Variants in NTMT2 observed in about 807,000 individuals in gnomAD.
NTMT2 encodes the protein N-terminal Xaa-Pro-Lys N-methyltransferase 2.
Under a neutral mutation model 23.4 loss-of-function variants are expected in NTMT2, and 21 were observed. The observed-to-expected ratio is 0.90, with a 90% confidence interval of 0.64 to 1.29. The LOEUF is 1.29. Ranked by LOEUF, NTMT2 falls within the 50% of genes most tolerant of loss-of-function variation. NTMT2 has a pLI of 0.00. For synonymous variants in NTMT2, 131 were observed against 127.7 expected, an observed-to-expected ratio of 1.03 and a Z score of -0.17; for missense variants, 336 against 352.0, an observed-to-expected ratio of 0.95 and a Z score of 0.36.
chr1:170,162,935 C>G (rs749739778), intron 2 of NTMT2, among the ~76,000 whole-genome samples: 1 of 151,948 alleles, frequency 6.6e-6, no homozygotes, highest in Non-Finnish European at 1.5e-5. Context: ...TCCAGTCTGG[C>G]TGAAAGCAAT....
chr1:170,157,459 A>G lies in NTMT2; in HGVS notation c.155-3059A>G, dbSNP rs1405189836. Among the ~76,000 whole-genome samples, 3 of 152,130 alleles carry G rather than the reference A, an allele frequency of 2.0e-5. No homozygotes were observed. The East Asian group carries it at 5.8e-4, about 29-fold the overall frequency. ...CTTGTTCTCATTATCCCTTTCAGCAAATTCATGGTGATTCAGGGTACAAAC... is the reference window on the plus strand; with the variant it reads ...CTTGTTCTCATTATCCCTTTCAGCAGATTCATGGTGATTCAGGGTACAAAC... On this transcript the variant is annotated intron_variant, in intron 1 of 3. Transcript: ENST00000439373.
intron 1 of NTMT2, among the ~76,000 whole-genome samples, chr1:170,154,263 C>A (rs1354729599): frequency 6.6e-6 from 1 of 152,182 alleles, no homozygotes; most frequent in East Asian, 1.9e-4. Context: ...GAGCCCCCCA[C>A]ACTGAGATAA....
intron 2 of NTMT2, chr1:170,161,643 A>C (rs1432903149): frequency 1.3e-5 from 2 of 152,226 alleles, no homozygotes; most frequent in African/African-American, 4.8e-5. Flanking sequence ...GATAATGTGG[A>C]GATCTAATGA....
Position 170,167,643 on chromosome 1 carries a change from G to A in NTMT2, c.738G>A (p.Arg246=). ...SSVTRDMDIL[R]SLIRKSGLVV... ...TGACTCGGGACATGGACATCCTCCG[G>A]AGCCTAATAAGGAAGAGTGGGCTGG... Residue 246 remains arginine (R), a synonymous_variant, in exon 4 of 4, where the codon CGG becomes CGA. Transcript: ENST00000439373. 7 of 1,551,684 alleles carry A rather than the reference G, an allele frequency of 4.5e-6. No individual in the cohort carries two copies. Among genetic ancestry groups the A allele is most frequent in the Non-Finnish European group, 6.1e-6 (7 of 1,147,004 alleles).
intron 1 of NTMT2, among the ~76,000 whole-genome samples, chr1:170,156,144 C>T (rs990056800): frequency 2.8e-4 from 42 of 152,166 alleles, no homozygotes; most frequent in African/African-American, 9.2e-4. Context: ...AAAAAGTATC[C>T]TTCATGGTTA....
intron 3 of NTMT2, 31 bp from the exon 4 acceptor site, chr1:170,167,455 T>G (rs1180039788): frequency 1.1e-5 from 16 of 1,514,608 alleles, no homozygotes. Context: ...CATTTCTTCC[T>G]GTTCCCCCAT....
chr1:170,150,103 GT>G (rs987931478), intron 1 of NTMT2, among the ~76,000 whole-genome samples: 1 of 152,180 alleles, frequency 6.6e-6, no homozygotes, highest in Admixed American at 6.5e-5. Context: ...AGAGTTTGTT[GT>G]TTGGGGTAAT....
At chr1:170,161,976 G>A (rs758129379) in intron 2 of NTMT2, among the ~76,000 whole-genome samples, 6 of 152,148 alleles carry the variant, frequency 3.9e-5, no homozygotes, top group Non-Finnish European at 8.8e-5. Context: ...TGTAGTCCCA[G>A]CTACTGGGGA....
chr1:170,160,804 G>A, intron 2 of NTMT2, 111 bp downstream of exon 2: 1 of 889,790 alleles, frequency 1.1e-6, no homozygotes. Context: ...ACCCAGCCAA[G>A]AGTTCTGCCG....
intron 1 of NTMT2, among the ~76,000 whole-genome samples, chr1:170,157,706 T>A (rs560940592): frequency 5.9e-4 from 90 of 152,298 alleles, no homozygotes; most frequent in Non-Finnish European, 9.3e-4. Flanking sequence ...TCTCTTTGAT[T>A]TCTTCTGCTC....
chr1:170,150,406 A>G (rs147613366), intron 1 of NTMT2, among the ~76,000 whole-genome samples: 384 of 152,350 alleles, frequency 2.5e-3, no homozygotes, highest in Non-Finnish European at 4.4e-3. Flanking sequence ...TGCATATATT[A>G]TCTCAGTTCA....
intron 2 of NTMT2, among the ~76,000 whole-genome samples, chr1:170,162,387 C>T (rs80013322): frequency 0.019 from 2,895 of 152,244 alleles, 66 homozygotes; most frequent in South Asian, 0.074. Flanking sequence ...TCCTGGAGCA[C>T]CCAGTGTGTG....
intron 2 of NTMT2, among the ~76,000 whole-genome samples, chr1:170,163,833 A>G (rs892985255): frequency 3.9e-5 from 6 of 152,238 alleles, no homozygotes; most frequent in African/African-American, 1.2e-4. Flanking sequence ...ATAATAAATG[A>G]AAATCAAAAT....
intron 1 of NTMT2, among the ~76,000 whole-genome samples, chr1:170,155,807 T>C (rs1673154350): frequency 6.6e-6 from 1 of 152,110 alleles, no homozygotes; most frequent in Non-Finnish European, 1.5e-5. Flanking sequence ...ATTGCCAACT[T>C]GGATAATATT....
At position 170,166,503 on chromosome 1, in the gene NTMT2, G is replaced by T; in HGVS notation, c.332G>T (p.Gly111Val). 6.4e-7 allele frequency: 1 copy of T among 1,552,258 alleles called. No homozygotes were observed. Among genetic ancestry groups the T allele is most frequent in the South Asian group, 1.2e-5 (1 of 84,048 alleles). ...AAATATCAAGGTGCCTTTCTGCAGG[G>T]GCCTGGGAGAGCTGGAACAGACTGC... is the stretch of plus-strand genomic sequence containing the variant. The part of the protein sequence containing the change: ...SQKFLRKFVG[G>V]PGRAGTDCAL... Residue 111 changes from glycine (G) to valine (V), a missense_variant and splice_region_variant, in exon 3 of 4, where the codon GGG (glycine) becomes GTG (valine). Transcript: ENST00000439373.
At chr1:170,153,358 G>C (rs758801195) in intron 1 of NTMT2, among the ~76,000 whole-genome samples, 1 of 152,240 alleles carries the variant, frequency 6.6e-6, no homozygotes, top group Non-Finnish European at 1.5e-5. Flanking sequence ...TGGGTAATGG[G>C]AAGAGGTTGG....
intron 1 of NTMT2, among the ~76,000 whole-genome samples, chr1:170,153,013 G>A (rs954714415): frequency 5.3e-5 from 8 of 152,076 alleles, no homozygotes; most frequent in African/African-American, 1.7e-4. Flanking sequence ...AGAGCTGGTT[G>A]TTTAAAATTG....
rs148982856 is a variant in NTMT2, at chr1:170,164,931, G to A, written c.331-1571G>A. 3.6e-3 allele frequency among the ~76,000 whole-genome samples: 544 copies of A among 152,198 alleles called. 2 individuals carry two copies. The highest frequency in any genetic ancestry group is 0.012 in the African/African-American group (511 of 41,512). On this transcript the variant is annotated intron_variant, in intron 2 of 3. Transcript: ENST00000439373. The stretch of plus-strand genomic sequence containing the variant: ...AATTGTGGCTATTATTATTCCATTT[G>A]GAAAGAAGTTACAATTCCTTCACTT...
At position 170,146,957 on chromosome 1, in the gene NTMT2, C is replaced by T. The variant is rs553625203; in HGVS notation, c.154+696C>T. Among the ~76,000 whole-genome samples the T allele has an allele frequency of 3.9e-5, 6 of 152,318 alleles. No homozygotes were observed. In the East Asian group the frequency reaches 1.2e-3, roughly 29 times the overall value. On this transcript the variant is annotated intron_variant, in intron 1 of 3. Transcript: ENST00000439373. ...AGTTACTTCAGGGCACCCTAAACAG[C>T]ACTGAAGAGGAAATAACTTACCATT...
Sources: gnomAD v4.1 joint callset for allele counts (sites outside exome capture counted in the v4.1 genomes callset) on GRCh38, gnomAD v4.1.1 for gene constraint, MANE v1.5 for transcripts, NCBI Gene and HGNC (gene_info 2026-07-23, HGNC 2026-07-21) for gene names.